Variants in PARP11 observed in about 807,000 individuals in gnomAD.
PARP11 encodes protein mono-ADP-ribosyltransferase PARP11.
Under a neutral mutation model 42.9 loss-of-function variants are expected in PARP11, and 31 were observed. That is an observed-to-expected ratio of 0.72 (90% confidence interval 0.54 to 0.98). The LOEUF (loss-of-function observed/expected upper bound fraction) is 0.98, where lower values mean the gene tolerates loss of function less well. Among genes scored for constraint, PARP11 ranks in the 50% least tolerant of loss-of-function variants. The pLI, the probability that PARP11 is intolerant of heterozygous loss-of-function variation, is 0.00. For missense variants in PARP11, 365 were observed against 413.1 expected (o/e 0.88, Z 1.01); for synonymous variants, 137 against 127.3 (o/e 1.08, Z -0.51).
chr12:3,857,816 G>A (rs537928710), intron 1 of PARP11, among the ~76,000 whole-genome samples: 1 of 152,208 alleles, frequency 6.6e-6, no homozygotes, highest in South Asian at 2.1e-4. Flanking sequence ...AAAAAATAAT[G>A]TTTATAACAT....
intron 1 of PARP11, among the ~76,000 whole-genome samples, chr12:3,837,359 A>T (rs780966690): frequency 5.9e-5 from 9 of 152,218 alleles, no homozygotes; most frequent in Non-Finnish European, 1.0e-4. Context: ...GCTAAATTAC[A>T]AAGATCTCTA....
chr12:3,838,056 A>G (rs1026458439), intron 1 of PARP11, among the ~76,000 whole-genome samples: 1 of 149,780 alleles, frequency 6.7e-6, no homozygotes, highest in African/African-American at 2.5e-5. Flanking sequence ...ATCAACAACA[A>G]CAACAACAAA....
At chr12:3,812,864 G>A (rs1296110704) in intron 7 of PARP11, among the ~76,000 whole-genome samples, 5 of 152,100 alleles carry the variant, frequency 3.3e-5, no homozygotes, top group Admixed American at 6.5e-5. Context: ...GTGCAGTGGC[G>A]CGATCTCAGC....
At position 3,860,229 on chromosome 12, in the gene PARP11, A is replaced by G. The variant is rs563093720; in HGVS notation, c.18+12983T>C. On this transcript the variant is annotated intron_variant, in intron 1 of 7. Coordinates refer to ENST00000228820, the MANE Select transcript of PARP11 (RefSeq NM_020367.6). ...ACAACTGCCAATTTGAAATGAAAAA[A>G]TAGTAGATGGGAAGAAATGAAGGAG... 2.2e-4 allele frequency among the ~76,000 whole-genome samples: 34 copies of G among 152,332 alleles called. 2 individuals are homozygous for G. The highest frequency in any genetic ancestry group is 8.2e-4 in the African/African-American group (34 of 41,592).
Position 3,864,258 on chromosome 12 carries a change from A to G in PARP11, c.18+8954T>C, listed in dbSNP as rs557199931. Among the ~76,000 whole-genome samples the G allele has an allele frequency of 2.0e-5, 3 of 152,318 alleles. No homozygotes were observed. The South Asian group carries it at 6.2e-4, about 32-fold the overall frequency. Reference sequence around the variant, plus strand: ...TACATTGATGGCTGTTCAAATATTAAACCTTGCATTCTTGGAATAAACATC... The same window carrying G: ...TACATTGATGGCTGTTCAAATATTAGACCTTGCATTCTTGGAATAAACATC... On this transcript the variant is annotated intron_variant, in intron 1 of 7. Transcript: ENST00000228820.
At chr12:3,869,569 C>T (rs892946480) in intron 1 of PARP11, among the ~76,000 whole-genome samples, 4 of 152,184 alleles carry the variant, frequency 2.6e-5, no homozygotes, top group African/African-American at 9.7e-5. Context: ...CTCACACTAT[C>T]TCTGCTGTCT....
At chr12:3,854,429 C>T (rs1399781946) in intron 1 of PARP11, among the ~76,000 whole-genome samples, 2 of 152,062 alleles carry the variant, frequency 1.3e-5, no homozygotes, top group African/African-American at 4.8e-5. Flanking sequence ...ATCAAATAGA[C>T]ACAATAAAAA....
At chr12:3,869,751 A>T (rs142518506) in intron 1 of PARP11, among the ~76,000 whole-genome samples, 1 of 152,230 alleles carries the variant, frequency 6.6e-6, no homozygotes, top group Admixed American at 6.5e-5. Flanking sequence ...TTTTATCACA[A>T]TTTAAATTAA....
chr12:3,839,982 A>G, intron 1 of PARP11: 3 of 1,508,842 alleles, frequency 2.0e-6, no homozygotes, highest in Non-Finnish European at 1.8e-6. Flanking sequence ...AACCTTTGTC[A>G]GGCAACGAGC....
rs1475011573 is a variant in PARP11, at chr12:3,809,446, T to C, written c.*2677A>G. 1.3e-5 allele frequency: 2 copies of C among 152,182 alleles called. No individual in the cohort carries two copies. Among genetic ancestry groups the C allele is most frequent in the African/African-American group, 4.8e-5 (2 of 41,450 alleles). The allele number at this position is 152,182 out of a possible 1,614,324, so 9.4% of individuals were successfully genotyped here. ...TACCTTCTTACAATGGCTACTGCAG[T>C]GCATTCTACATATTTCATAGAAACC... On this transcript the variant is annotated 3_prime_UTR_variant, in exon 8 of 8. Transcript: ENST00000228820.
At chr12:3,819,636 T>G (rs1415657651) in intron 6 of PARP11, among the ~76,000 whole-genome samples, 1 of 152,200 alleles carries the variant, frequency 6.6e-6, no homozygotes, top group Non-Finnish European at 1.5e-5. Flanking sequence ...ATCAGATCCA[T>G]CACTCTCTTG....
Position 3,812,389 on chromosome 12 carries a change from C to A in PARP11, c.751G>T (p.Asp251Tyr). Residue 251 changes from aspartate to tyrosine, a missense_variant, in exon 8 of 8, where the codon GAC (aspartate) becomes TAC (tyrosine). Asp to Tyr is a radical substitution (Grantham distance 160). Transcript: ENST00000228820. Reference sequence around the variant, plus strand: ...TGGAATGTGTTCCCATGCTTTATGTCATCTTTGCAGAAACGACTGGAATAA... The same window carrying A: ...TGGAATGTGTTCCCATGCTTTATGTAATCTTTGCAGAAACGACTGGAATAA... ...AAYSSRFCKD[D>Y]IKHGNTFQIH... 1 of 1,613,662 alleles carries A rather than the reference C, an allele frequency of 6.2e-7. No homozygotes were observed. The highest frequency in any genetic ancestry group is 8.5e-7 in the Non-Finnish European group (1 of 1,179,708).
chr12:3,812,977 A>AT, intron 7 of PARP11, among the ~76,000 whole-genome samples: 1 of 151,986 alleles, frequency 6.6e-6, no homozygotes, highest in East Asian at 1.9e-4. Context: ...TAATTTTTAT[A>AT]TTTTTTTAGT....
At chr12:3,872,044 A>C (rs1948491979) in intron 1 of PARP11, 1 of 152,172 alleles carries the variant, frequency 6.6e-6, no homozygotes, top group Non-Finnish European at 1.5e-5. Context: ...GTCTATAGGA[A>C]CTGGCCATAA....
At chr12:3,833,759 T>C (rs978948657) in intron 1 of PARP11, among the ~76,000 whole-genome samples, 4 of 152,200 alleles carry the variant, frequency 2.6e-5, no homozygotes, top group Admixed American at 6.5e-5. Context: ...TCTGTGGCGT[T>C]TGAGTTACAA....
At chr12:3,869,204 T>C (rs1948436547) in intron 1 of PARP11, among the ~76,000 whole-genome samples, 1 of 152,178 alleles carries the variant, frequency 6.6e-6, no homozygotes, top group East Asian at 1.9e-4. Flanking sequence ...GGTCAGCTGA[T>C]TAGCTAATTA....
Position 3,812,087 on chromosome 12 carries a change from T to A in PARP11, c.*36A>T. On this transcript the variant is annotated 3_prime_UTR_variant, in exon 8 of 8. Coordinates refer to ENST00000228820, the MANE Select transcript of PARP11 (RefSeq NM_020367.6). ...GAGCAAACCTTCCTGCAAAAAAGAA[T>A]AAAGCTTCCTTGACCACCGAGATTT... 6.7e-7 allele frequency: 1 copy of A among 1,492,524 alleles called. No homozygotes were observed. The highest frequency in any genetic ancestry group is 9.1e-7 in the Non-Finnish European group (1 of 1,100,670). The allele number at this position is 1,492,524 out of a possible 1,614,324, so 92.5% of individuals were successfully genotyped here.
intron 1 of PARP11, among the ~76,000 whole-genome samples, chr12:3,854,334 A>C (rs1363416357): frequency 6.6e-6 from 1 of 152,164 alleles, no homozygotes; most frequent in East Asian, 1.9e-4. Flanking sequence ...TCAAAAAAAC[A>C]AATGACTCCA....
intron 1 of PARP11, among the ~76,000 whole-genome samples, chr12:3,869,242 T>G (rs1480029828): frequency 6.6e-6 from 1 of 152,256 alleles, no homozygotes; most frequent in Non-Finnish European, 1.5e-5. Flanking sequence ...AACAACATAT[T>G]TACAGATTCT....
Sources: allele counts gnomAD v4.1 joint callset (sites outside exome capture counted in the v4.1 genomes callset), GRCh38; gene constraint gnomAD v4.1.1; transcripts MANE v1.5; gene names NCBI Gene and HGNC (gene_info 2026-07-23, HGNC 2026-07-21).